FBLN7: variants seen among roughly 807,000 people sequenced by gnomAD.
FBLN7 encodes the protein fibulin 7.
Under a neutral mutation model 44.0 loss-of-function variants are expected in FBLN7, and 31 were observed. That is an observed-to-expected ratio of 0.70 (90% confidence interval 0.53 to 0.95). The LOEUF is 0.95. Among genes scored for constraint, FBLN7 ranks in the 40% least tolerant of loss-of-function variants. The pLI is 0.00. For synonymous variants in FBLN7, 262 were observed against 253.4 expected, an observed-to-expected ratio of 1.03 and a Z score of -0.32; for missense variants, 573 against 618.5, an observed-to-expected ratio of 0.93 and a Z score of 0.78.
rs1553474956 is a variant in FBLN7, at chr2:112,160,736, A to ACGCG, written c.235+904_235+905insGCGC. ...CACAAGCACGCGCACACGCACGCAC[A>ACGCG]CGCACACACGCGCACGCACACACGC... On this transcript the variant is annotated intron_variant, in intron 2 of 7. Transcript: ENST00000331203. Among the ~76,000 whole-genome samples, 48 of 102,188 alleles carry ACGCG rather than the reference A, an allele frequency of 4.7e-4. No individual in the cohort carries two copies. In the East Asian group the frequency reaches 9.4e-3, roughly 20 times the overall value. 67.0% of individuals were successfully genotyped at this position (102,188 alleles called of 152,430 possible).
In FBLN7 at chr2:112,184,301, A is replaced by G. The variant is rs150520127; in HGVS notation, c.809-900A>G. Among the ~76,000 whole-genome samples the G allele has an allele frequency of 4.1e-3, 624 of 152,306 alleles. 5 individuals are homozygous for G. Among genetic ancestry groups the G allele is most frequent in the African/African-American group, 0.014 (583 of 41,566 alleles). ...AGAAGAGAGGGCAGAGGGCTCCTCC[A>G]TGGGCTGACGTGGGAATGTGAGGGG... is the stretch of plus-strand genomic sequence containing the variant. On this transcript the variant is annotated intron_variant, in intron 6 of 7. Coordinates refer to ENST00000331203, the MANE Select transcript of FBLN7 (RefSeq NM_153214.3).
At chr2:112,178,664 A>T (rs1424521680) in intron 4 of FBLN7, among the ~76,000 whole-genome samples, 1 of 152,256 alleles carries the variant, frequency 6.6e-6, no homozygotes, top group Non-Finnish European at 1.5e-5. Context: ...ATGATCAAGT[A>T]GGCTTCCTCC....
chr2:112,189,932 G>C (rs1054020792), downstream of FBLN7: 3 of 152,054 alleles, frequency 2.0e-5, no homozygotes, highest in African/African-American at 4.8e-5. Context: ...TCTCTGAGTG[G>C]CTTATATTTT....
the FBLN7 span, among the ~76,000 whole-genome samples, chr2:112,198,051 G>A: frequency 6.6e-6 from 1 of 152,114 alleles, no homozygotes; most frequent in African/African-American, 2.4e-5. Context: ...CTGGAGAACA[G>A]CAAACAAAAT....
chr2:112,140,594 G>A (rs1325626769), intron 1 of FBLN7, among the ~76,000 whole-genome samples: 1 of 152,176 alleles, frequency 6.6e-6, no homozygotes, highest in Non-Finnish European at 1.5e-5. Flanking sequence ...CGTGAGCACC[G>A]CCGGGAGGAA....
chr2:112,205,727 A>C, the FBLN7 span, among the ~76,000 whole-genome samples: 26 of 152,244 alleles, frequency 1.7e-4, no homozygotes, highest in African/African-American at 5.8e-4. Context: ...ACTGTAGCTT[A>C]TAGTAATTTT....
the FBLN7 span, chr2:112,231,094 G>A: frequency 4.2e-6 from 2 of 472,646 alleles, no homozygotes; most frequent in African/African-American, 4.1e-5. Context: ...TACAGGAACT[G>A]AAAAACTTAT....
chr2:112,174,707 G>T (rs576846938), intron 3 of FBLN7, among the ~76,000 whole-genome samples: 16 of 152,202 alleles, frequency 1.1e-4, no homozygotes, highest in South Asian at 2.1e-4. Context: ...TGTTTGTTTG[G>T]TTGGTTGGTT....
chr2:112,164,236 C>T (rs886932331), intron 2 of FBLN7, among the ~76,000 whole-genome samples: 4 of 152,158 alleles, frequency 2.6e-5, no homozygotes, highest in African/African-American at 9.7e-5. Flanking sequence ...AGTAAAGATG[C>T]AATAAATAAG....
At chr2:112,213,344 C>G in the FBLN7 span, 1 of 151,928 alleles carries the variant, frequency 6.6e-6, no homozygotes, top group Non-Finnish European at 1.5e-5. Context: ...GACAATTATG[C>G]TGAAACTCAG....
At chr2:112,159,874 G>T in intron 2 of FBLN7, 39 bp downstream of exon 2, 1 of 1,457,758 alleles carries the variant, frequency 6.9e-7, no homozygotes, top group Non-Finnish European at 9.1e-7. Flanking sequence ...CGGCAGCGCA[G>T]CACTCGAGCA....
the FBLN7 span, among the ~76,000 whole-genome samples, chr2:112,233,818 G>A: frequency 6.6e-4 from 100 of 152,084 alleles, no homozygotes; most frequent in African/African-American, 2.3e-3. Context: ...GCAGTGAGCC[G>A]AGAATGCGCC....
At chr2:112,233,067 G>C in the FBLN7 span, among the ~76,000 whole-genome samples, 1 of 152,176 alleles carries the variant, frequency 6.6e-6, no homozygotes, top group African/African-American at 2.4e-5. Context: ...CATCATTTGA[G>C]AGATTTTCTA....
At chr2:112,218,024 C>T in the FBLN7 span, among the ~76,000 whole-genome samples, 6 of 152,142 alleles carry the variant, frequency 3.9e-5, no homozygotes, top group East Asian at 1.2e-3. Context: ...CAGCAGCTGG[C>T]ATTACAGGCT....
chr2:112,220,358 C>T, the FBLN7 span, among the ~76,000 whole-genome samples: 4 of 152,160 alleles, frequency 2.6e-5, no homozygotes, highest in African/African-American at 9.7e-5. Context: ...GTAACAAATT[C>T]CCTTAGCCTT....
intron 1 of FBLN7, chr2:112,151,930 A>T (rs112120315): frequency 1.1e-4 from 17 of 152,286 alleles, no homozygotes; most frequent in African/African-American, 3.9e-4. Context: ...TTAGCTGGGC[A>T]GCAAGCAGGT....
At chr2:112,141,311 C>G (rs1165371788) in intron 1 of FBLN7, among the ~76,000 whole-genome samples, 1 of 152,202 alleles carries the variant, frequency 6.6e-6, no homozygotes, top group Non-Finnish European at 1.5e-5. Flanking sequence ...CGGAATAAAC[C>G]CAGTCTCTCT....
chr2:112,194,063 G>A, the FBLN7 span, among the ~76,000 whole-genome samples: 1 of 152,182 alleles, frequency 6.6e-6, no homozygotes, highest in Non-Finnish European at 1.5e-5. Context: ...GCTCCACAAT[G>A]TCTTTGCTTC....
At chr2:112,188,709 AGT>A (rs1222387474), downstream of FBLN7, 1 of 152,214 alleles carries the variant, frequency 6.6e-6, no homozygotes, top group Non-Finnish European at 1.5e-5. Flanking sequence ...TGGAGCCAGA[AGT>A]GTGTCACTAG....
Sources: allele counts gnomAD v4.1 joint callset (sites outside exome capture counted in the v4.1 genomes callset), GRCh38; gene constraint gnomAD v4.1.1; transcripts MANE v1.5; gene names NCBI Gene and HGNC (gene_info 2026-07-23, HGNC 2026-07-21).